MGST2: variants seen among roughly 807,000 people sequenced by gnomAD.
MGST2 encodes glutathione peroxidase MGST2.
A neutral mutation model predicts 16.6 loss-of-function variants in MGST2; 9 were observed. The ratio of observed to expected loss-of-function variants is 0.54; its 90% CI spans 0.33 to 0.95. MGST2 has a LOEUF of 0.95. MGST2 is among the 40% of genes least tolerant of loss of function. The probability of loss-of-function intolerance (pLI) is 0.03; values close to 1 mark genes in which losing one functional copy is unlikely to be tolerated. For missense variants in MGST2, 159 were observed against 175.1 expected, an observed-to-expected ratio of 0.91 and a Z score of 0.52; for synonymous variants, 79 against 68.0, an observed-to-expected ratio of 1.16 and a Z score of -0.79.
At chr4:139,670,528 T>A (rs188134600) in intron 1 of MGST2, among the ~76,000 whole-genome samples, 252 of 152,334 alleles carry the variant, frequency 1.7e-3, no homozygotes, top group African/African-American at 5.8e-3. Context: ...TTACAGATTA[T>A]AAGTGGACTC....
chr4:139,680,504 G>A (rs1391977642), intron 2 of MGST2, among the ~76,000 whole-genome samples: 2 of 152,208 alleles, frequency 1.3e-5, no homozygotes, highest in East Asian at 3.9e-4. Flanking sequence ...GATGCTCTTG[G>A]TGCTTGCTGC....
At chr4:139,688,697 G>C (rs1379067559) in intron 2 of MGST2, among the ~76,000 whole-genome samples, 3 of 152,108 alleles carry the variant, frequency 2.0e-5, no homozygotes, top group Non-Finnish European at 2.9e-5. Flanking sequence ...TGGGCAACTG[G>C]CTTTTGTAAT....
At chr4:139,752,234 C>T in the MGST2 span, among the ~76,000 whole-genome samples, 8 of 152,160 alleles carry the variant, frequency 5.3e-5, no homozygotes, top group African/African-American at 1.4e-4. Flanking sequence ...GAAAAAAGCA[C>T]CTTGCAGAAC....
chr4:139,720,175 C>T (rs2110955016), intron 5 of MGST2: 1 of 1,614,056 alleles, frequency 6.2e-7, no homozygotes, highest in African/African-American at 1.3e-5. Flanking sequence ...CCAGTCCCAT[C>T]TCCGACTGCG....
chr4:139,728,446 CT>C (rs1307052955), intron 5 of MGST2, among the ~76,000 whole-genome samples: 1 of 152,206 alleles, frequency 6.6e-6, no homozygotes, highest in Non-Finnish European at 1.5e-5. Context: ...TACACATGAT[CT>C]TATGTGATCC....
chr4:139,707,440 C>T (rs572955344), downstream of MGST2, among the ~76,000 whole-genome samples: 1 of 152,140 alleles, frequency 6.6e-6, no homozygotes, highest in South Asian at 2.1e-4. Flanking sequence ...TTTTCTTAAT[C>T]CAGTCTATCA....
At chr4:139,720,141 T>C in intron 5 of MGST2, 1 of 1,614,082 alleles carries the variant, frequency 6.2e-7, no homozygotes, top group Non-Finnish European at 8.5e-7. Flanking sequence ...CCTGGTTGGC[T>C]GGTAGGCGTG....
At chr4:139,702,049 A>G (rs1006155780) in intron 3 of MGST2, among the ~76,000 whole-genome samples, 7 of 152,156 alleles carry the variant, frequency 4.6e-5, no homozygotes, top group East Asian at 1.9e-4. Flanking sequence ...ATAGACTCCA[A>G]ATGTTTACAG....
At chr4:139,749,514 C>A in the MGST2 span, among the ~76,000 whole-genome samples, 4 of 152,296 alleles carry the variant, frequency 2.6e-5, no homozygotes, top group South Asian at 8.3e-4. Flanking sequence ...GCAACAGGAA[C>A]TATTTCCTTT....
chr4:139,719,282 G>A (rs777340794), intron 5 of MGST2: 2 of 1,524,956 alleles, frequency 1.3e-6, no homozygotes, highest in Admixed American at 4.3e-5. Context: ...CACTTTTTAA[G>A]CTTTAACCAC....
At chr4:139,698,524 A>T in intron 3 of MGST2, 1 of 1,119,456 alleles carries the variant, frequency 8.9e-7, no homozygotes, top group Non-Finnish European at 1.4e-6. Context: ...CCACCGGTCG[A>T]TTTGCGGGCA....
At chr4:139,713,904 T>C (rs1727836425) in intron 5 of MGST2, among the ~76,000 whole-genome samples, 1 of 152,252 alleles carries the variant, frequency 6.6e-6, no homozygotes, top group South Asian at 2.1e-4. Flanking sequence ...CAAAGCGTGG[T>C]CTCCAGTTCC....
At chr4:139,750,884 T>C in the MGST2 span, among the ~76,000 whole-genome samples, 19 of 152,348 alleles carry the variant, frequency 1.2e-4, no homozygotes, top group African/African-American at 4.6e-4. Flanking sequence ...GGTTTTTGTT[T>C]TGCTTTTACA....
chr4:139,693,435 G>A (rs1041236874), intron 2 of MGST2, among the ~76,000 whole-genome samples: 2 of 150,380 alleles, frequency 1.3e-5, no homozygotes, highest in African/African-American at 4.9e-5. Flanking sequence ...GAAATTTTCA[G>A]TGAGTGTGGA....
At chr4:139,693,559 A>G (rs1726743027) in intron 2 of MGST2, among the ~76,000 whole-genome samples, 1 of 152,210 alleles carries the variant, frequency 6.6e-6, no homozygotes, top group Non-Finnish European at 1.5e-5. Context: ...GCATAGCCGT[A>G]ATATAAAGTA....
At chr4:139,730,762 G>C in intron 5 of MGST2, 1 of 1,183,474 alleles carries the variant, frequency 8.4e-7, no homozygotes, top group Non-Finnish European at 1.2e-6. Flanking sequence ...CGGGGCAGAA[G>C]TCCCAGCTTA....
At chr4:139,667,258 T>G (rs795599) in intron 1 of MGST2, among the ~76,000 whole-genome samples, 9 of 151,846 alleles carry the variant, frequency 5.9e-5, no homozygotes, top group Non-Finnish European at 2.9e-5. Flanking sequence ...ACCTTTAGGC[T>G]GAACTTAAAA....
rs1203003234 is a variant in MGST2, at chr4:139,668,071, T to C, written c.58+1994T>C. The stretch of plus-strand genomic sequence containing the variant: ...TCATGTAAGATGTACATTAGTTTGG[T>C]CCCAAAAGGCGGGACAACTGGAAGT... On this transcript the variant is annotated intron_variant, in intron 1 of 4. Transcript: ENST00000265498. Among the ~76,000 whole-genome samples, 9 of 152,256 alleles carry C rather than the reference T, an allele frequency of 5.9e-5. No homozygotes were observed. The South Asian group carries it at 1.9e-3, about 32-fold the overall frequency.
downstream of MGST2, among the ~76,000 whole-genome samples, chr4:139,708,335 C>T (rs551322040): frequency 2.6e-5 from 4 of 152,280 alleles, no homozygotes; most frequent in African/African-American, 9.6e-5. Flanking sequence ...TTCCCCATTG[C>T]TTGTTTTTGT....
Sources: gnomAD v4.1 joint callset for allele counts (sites outside exome capture counted in the v4.1 genomes callset) on GRCh38, gnomAD v4.1.1 for gene constraint, MANE v1.5 for transcripts, NCBI Gene and HGNC (gene_info 2026-07-23, HGNC 2026-07-21) for gene names.